COPA: variants seen among roughly 807,000 people sequenced by gnomAD.
The protein encoded by COPA is coat protein complex I subunit alpha, also known as coatomer subunit alpha.
COPA carries 10 observed loss-of-function variants against 158.7 expected under a neutral mutation model. The observed-to-expected ratio is 0.06, with a 90% CI of 0.04 to 0.11. The LOEUF (loss-of-function observed/expected upper bound fraction) is 0.11, where lower values mean the gene tolerates loss of function less well. Ranked by LOEUF, COPA falls within the 10% of genes least tolerant of loss-of-function variation. The probability of loss-of-function intolerance (pLI) is 1.00; values close to 1 mark genes in which losing one functional copy is unlikely to be tolerated. For missense variants in COPA, 1,065 were observed against 1,536.7 expected (o/e 0.69, Z 5.13); for synonymous variants, 462 against 542.8 (o/e 0.85, Z 2.07).
intron 3 of COPA, among the ~76,000 whole-genome samples, 166 bp from the exon 4 acceptor site, chr1:160,335,488 CTTGT>C (rs1216711558): frequency 4.6e-5 from 7 of 151,866 alleles, no homozygotes; most frequent in African/African-American, 1.7e-4. Context: ...GGTAGAAAGC[CTTGT>C]TTAAGATTTG....
chr1:160,318,983 A>C (rs1203286185), intron 8 of COPA, among the ~76,000 whole-genome samples: 1 of 152,166 alleles, frequency 6.6e-6, no homozygotes, highest in African/African-American at 2.4e-5. Context: ...CTCAAAAAAA[A>C]ACAAAACAAA....
intron 3 of COPA, among the ~76,000 whole-genome samples, chr1:160,335,529 T>C (rs1271698630): frequency 2.6e-5 from 4 of 152,078 alleles, no homozygotes; most frequent in South Asian, 2.1e-4. Flanking sequence ...AATGAAAATA[T>C]AGGTCAGATA....
intron 3 of COPA, among the ~76,000 whole-genome samples, chr1:160,339,033 C>T: frequency 6.8e-6 from 1 of 146,578 alleles, no homozygotes; most frequent in East Asian, 1.9e-4. Context: ...AAAACTATCT[C>T]CTCCTGATTT....
At chr1:160,299,386 G>T in intron 17 of COPA, 122 bp from the exon 18 acceptor site, 1 of 969,968 alleles carries the variant, frequency 1.0e-6, no homozygotes, top group Non-Finnish European at 1.5e-6. Context: ...TAGATGGGAA[G>T]TGATTCAAAA....
chr1:160,328,334 G>A (rs1036035097), intron 6 of COPA, among the ~76,000 whole-genome samples: 1 of 152,202 alleles, frequency 6.6e-6, no homozygotes, highest in Non-Finnish European at 1.5e-5. Context: ...CAGAATGGAA[G>A]GCTTTGTTGC....
chr1:160,310,428 G>A, intron 11 of COPA, 170 bp from the exon 12 acceptor site: 1 of 417,054 alleles, frequency 2.4e-6, no homozygotes. Flanking sequence ...TTTAAGGCTT[G>A]GCAACTTCCC....
At chr1:160,318,941 AAAG>A (rs1217288662) in intron 8 of COPA, among the ~76,000 whole-genome samples, 1 of 152,072 alleles carries the variant, frequency 6.6e-6, no homozygotes, top group East Asian at 1.9e-4. Context: ...CTTAACCACA[AAAG>A]AAGACAGTAA....
At chr1:160,292,691 A>C in intron 27 of COPA, 71 bp from the exon 28 acceptor site, 9 of 1,293,676 alleles carry the variant, frequency 7.0e-6, no homozygotes, top group Non-Finnish European at 9.7e-6. Context: ...TGGGCAAGGT[A>C]ATTAATTTCT....
chr1:160,307,322 GC>G, intron 13 of COPA, 77 bp from the exon 14 acceptor site: 1 of 1,364,348 alleles, frequency 7.3e-7, no homozygotes, highest in East Asian at 2.3e-5. Context: ...CCATGGAGCT[GC>G]CAGTCTTGCT....
chr1:160,310,015 A>G lies in COPA; in HGVS notation c.1143+177T>C, dbSNP rs186330947. Reference sequence around the variant, plus strand: ...AAAGATAGGCAGTTCACAAATGCTCAATATGTTTACGACAACTGAAACCTA... The same window carrying G: ...AAAGATAGGCAGTTCACAAATGCTCGATATGTTTACGACAACTGAAACCTA... On this transcript the variant is annotated intron_variant, in intron 12 of 32. Coordinates refer to ENST00000241704, the MANE Select transcript of COPA (RefSeq NM_004371.4). 7.0e-4 allele frequency among the ~76,000 whole-genome samples: 106 copies of G among 152,322 alleles called. 1 individual carries two copies. Among genetic ancestry groups the G allele is most frequent in the African/African-American group, 2.4e-3 (98 of 41,566 alleles).
rs763748181 is a variant in COPA at position 160,297,373 on chromosome 1, G to A, written c.2233C>T (p.Arg745Cys). 45 of 1,613,944 alleles carry A rather than the reference G, an allele frequency of 2.8e-5. No homozygotes were observed. In the Middle Eastern group the frequency reaches 8.2e-4, roughly 29 times the overall value. The stretch of plus-strand genomic sequence containing the variant: ...CCACAGTTCTTCAGGATCCGCACAC[G>A]CTCTGACACATCACCCAGGTATAGG... ...NALYLGDVSE[R>C]VRILKNCGQK... The change falls in exon 21 of 33, where the codon CGT becomes TGT. Residue 745 changes from arginine to cysteine, a missense_variant. Around this residue, in one of 2 missense-constraint regions of COPA, gnomAD observed 980 missense variants for 1,357.8 expected, o/e 0.72. Transcript: ENST00000241704.
At position 160,305,542 on chromosome 1, in the gene COPA, C is replaced by T. The variant is rs778613191; in HGVS notation, c.1558G>A (p.Ala520Thr). The T allele has an allele frequency of 1.1e-5, 17 of 1,614,176 alleles. No homozygotes were observed. Among genetic ancestry groups the T allele is most frequent in the Non-Finnish European group, 1.4e-5 (16 of 1,180,030 alleles). ...AIVICNRKLD[A>T]LCNIHENIRV... ...ATGTTCTCATGAATGTTACATAAAGCATCCAGTTTGCGGTTACAGATCACA... is the reference window on the plus strand; with the variant it reads ...ATGTTCTCATGAATGTTACATAAAGTATCCAGTTTGCGGTTACAGATCACA... The change falls in exon 17 of 33, where the codon GCT becomes ACT. Residue 520 changes from alanine to threonine, a missense_variant. By Grantham distance (58) the Ala-to-Thr change is moderately conservative. This residue lies in a region of COPA where 980 missense variants were observed against 1,357.8 expected (regional missense o/e 0.72). Transcript: ENST00000241704.
At chr1:160,315,669 CAG>C (rs1028429022) in intron 8 of COPA, among the ~76,000 whole-genome samples, 1 of 152,180 alleles carries the variant, frequency 6.6e-6, no homozygotes, top group Non-Finnish European at 1.5e-5. Context: ...GCAAGCCAAA[CAG>C]AGAAAACTGG....
chr1:160,305,316 C>T lies in COPA; in HGVS notation c.1667+117G>A, dbSNP rs887264851. 7 of 1,007,272 alleles carry T rather than the reference C, an allele frequency of 6.9e-6. No individual in the cohort carries two copies. In the African/African-American group the frequency reaches 1.1e-4, roughly 16 times the overall value. The allele number at this position is 1,007,272 out of a possible 1,614,324, so 62.4% of individuals were successfully genotyped here. The stretch of plus-strand genomic sequence containing the variant: ...TTCTGATGCCCCTTGCACATATATG[C>T]CAGGTAAGGCTTTTCCATGAAGAAA... On this transcript the variant is annotated intron_variant, in intron 17 of 32. Transcript: ENST00000241704.
chr1:160,300,619 T>C (rs939703030), intron 17 of COPA, among the ~76,000 whole-genome samples: 1 of 152,082 alleles, frequency 6.6e-6, no homozygotes, highest in South Asian at 2.1e-4. Flanking sequence ...AAAAAATACA[T>C]TACTTTGCTT....
intron 6 of COPA, among the ~76,000 whole-genome samples, chr1:160,329,640 T>G (rs35775629): frequency 6.6e-6 from 1 of 152,180 alleles, no homozygotes; most frequent in Non-Finnish European, 1.5e-5. Flanking sequence ...CCCGGCGTTC[T>G]GGAAAAGAAT....
intron 8 of COPA, among the ~76,000 whole-genome samples, chr1:160,318,652 A>C (rs9633342): frequency 0.64 from 96,754 of 151,748 alleles, 32,184 homozygotes; most frequent in African/African-American, 0.84. Context: ...AAAGACAAAT[A>C]TATCAAAAGC....
At chr1:160,299,475 C>T (rs1383718482) in intron 17 of COPA, among the ~76,000 whole-genome samples, 1 of 152,076 alleles carries the variant, frequency 6.6e-6, no homozygotes, top group Non-Finnish European at 1.5e-5. Flanking sequence ...TGCTATTATC[C>T]TAGAAGATGA....
intron 3 of COPA, among the ~76,000 whole-genome samples, chr1:160,336,321 A>G (rs1251353161): frequency 2.7e-5 from 4 of 149,150 alleles, no homozygotes; most frequent in Non-Finnish European, 5.9e-5. Context: ...CGACAGAGAG[A>G]GGCTCGGTCT....
Sources: allele counts gnomAD v4.1 joint callset (sites outside exome capture counted in the v4.1 genomes callset), GRCh38; gene constraint gnomAD v4.1.1; regional missense constraint gnomAD v4.1.1; transcripts MANE v1.5; gene names NCBI Gene and HGNC (gene_info 2026-07-23, HGNC 2026-07-21).